The following SUSD3 variants were observed in gnomAD, a reference collection of about 807,000 sequenced individuals.
The protein encoded by SUSD3 is sushi domain-containing protein 3.
Under a neutral mutation model 20.6 loss-of-function variants are expected in SUSD3, and 18 were observed. The observed-to-expected ratio is 0.87, with a 90% confidence interval of 0.60 to 1.30. The LOEUF is 1.30. Ranked by LOEUF, SUSD3 falls within the 50% of genes most tolerant of loss-of-function variation. The pLI, the probability that SUSD3 is intolerant of heterozygous loss-of-function variation, is 0.00. For missense variants in SUSD3, 306 were observed against 346.9 expected, an observed-to-expected ratio of 0.88 and a Z score of 0.94; for synonymous variants, 137 against 141.5, an observed-to-expected ratio of 0.97 and a Z score of 0.23.
At chr9:93,082,300 G>T (rs1826444566) in intron 4 of SUSD3, among the ~76,000 whole-genome samples, 1 of 147,190 alleles carries the variant, frequency 6.8e-6, no homozygotes, top group Non-Finnish European at 1.5e-5. Context: ...ACATTTTTTA[G>T]GCCTCTTTCC....
intron 1 of SUSD3, among the ~76,000 whole-genome samples, chr9:93,068,324 T>C (rs1825791453): frequency 6.6e-6 from 1 of 152,234 alleles, no homozygotes; most frequent in Non-Finnish European, 1.5e-5. Context: ...GTTTCATAGT[T>C]TTAGCTCTTA....
intron 1 of SUSD3, among the ~76,000 whole-genome samples, chr9:93,062,276 G>A (rs911594544): frequency 6.6e-6 from 1 of 152,248 alleles, no homozygotes; most frequent in Non-Finnish European, 1.5e-5. Context: ...TGAGCCGTGG[G>A]AGGGCCAGGC....
At chr9:93,065,103 G>A (rs183744425) in intron 1 of SUSD3, among the ~76,000 whole-genome samples, 64 of 152,290 alleles carry the variant, frequency 4.2e-4, no homozygotes, top group African/African-American at 1.4e-3. Context: ...GACCCTGGTG[G>A]GTGGGAAGGG....
intron 3 of SUSD3, 116 bp downstream of exon 3, chr9:93,078,109 CCTACCACTGCTGCT>C: frequency 1.4e-6 from 2 of 1,383,298 alleles, no homozygotes; most frequent in Non-Finnish European, 2.0e-6. Flanking sequence ...GGCACCCGTT[CCTACCACTGCTGCT>C]CTGGGCCTGC....
chr9:93,068,740 G>A (rs1458274833), intron 1 of SUSD3, among the ~76,000 whole-genome samples: 1 of 152,200 alleles, frequency 6.6e-6, no homozygotes, highest in African/African-American at 2.4e-5. Context: ...TGTTGAATCT[G>A]TATATCAGTT....
chr9:93,083,090 A>T (rs1423019587), intron 4 of SUSD3, among the ~76,000 whole-genome samples: 1 of 152,118 alleles, frequency 6.6e-6, no homozygotes, highest in Non-Finnish European at 1.5e-5. Flanking sequence ...CCAGGGCGGG[A>T]GGGAGGCACC....
At chr9:93,080,692 G>A (rs60519304) in intron 4 of SUSD3, among the ~76,000 whole-genome samples, 5,451 of 152,312 alleles carry the variant, frequency 0.036, 297 homozygotes, top group African/African-American at 0.12. Flanking sequence ...GCCTGAGGAA[G>A]GGGCTCTGCA....
At chr9:93,073,921 G>A (rs147118367) in intron 1 of SUSD3, among the ~76,000 whole-genome samples, 36 of 152,284 alleles carry the variant, frequency 2.4e-4, no homozygotes, top group African/African-American at 6.7e-4. Context: ...CATAAGAGCC[G>A]TGTGACTGCA....
At chr9:93,074,453 A>AAC (rs1826043802) in intron 1 of SUSD3, among the ~76,000 whole-genome samples, 1 of 147,092 alleles carries the variant, frequency 6.8e-6, no homozygotes, top group African/African-American at 2.5e-5. Flanking sequence ...AAAAAAAAAA[A>AAC]AAAAAGAACA....
intron 1 of SUSD3, among the ~76,000 whole-genome samples, chr9:93,061,081 C>T (rs1825487312): frequency 6.6e-6 from 1 of 152,172 alleles, no homozygotes; most frequent in African/African-American, 2.4e-5. Context: ...GTATGACTGG[C>T]CCCTGGCCCT....
chr9:93,065,261 C>G (rs766110389), intron 1 of SUSD3, among the ~76,000 whole-genome samples: 4 of 152,216 alleles, frequency 2.6e-5, no homozygotes, highest in African/African-American at 9.7e-5. Context: ...TTTCGCTGTG[C>G]CTGCTTTCTC....
chr9:93,084,665 T>C lies in SUSD3; in HGVS notation c.686T>C (p.Met229Thr). 5 of 1,607,918 alleles carry C rather than the reference T, an allele frequency of 3.1e-6. No individual in the cohort carries two copies. The highest frequency in any genetic ancestry group is 4.2e-6 in the Non-Finnish European group (5 of 1,177,174). ...SSPQAQVMVH[M>T]ANPRQPLPAS... ...CCCCAAGCCCAGGTGATGGTGCACATGGCAAACCCCAGACAGCCCCTGCCT... is the reference window on the plus strand; with the variant it reads ...CCCCAAGCCCAGGTGATGGTGCACACGGCAAACCCCAGACAGCCCCTGCCT... Residue 229 changes from methionine (M) to threonine (T), a missense_variant, in exon 5 of 5, where the codon ATG (methionine) becomes ACG (threonine). Transcript: ENST00000375472.
chr9:93,082,979 G>A (rs9695137), intron 4 of SUSD3, among the ~76,000 whole-genome samples: 32,875 of 152,004 alleles, frequency 0.22, 4,239 homozygotes, highest in African/African-American at 0.36. Flanking sequence ...CTTACACTGC[G>A]GGAACTTGTG....
chr9:93,073,876 G>C (rs1186539448), intron 1 of SUSD3, among the ~76,000 whole-genome samples: 1 of 152,242 alleles, frequency 6.6e-6, no homozygotes, highest in South Asian at 2.1e-4. Flanking sequence ...AGTTAGACCA[G>C]AGCCTCCTTG....
At chr9:93,059,127 C>T (rs1483059682) in intron 1 of SUSD3, among the ~76,000 whole-genome samples, 1 of 152,168 alleles carries the variant, frequency 6.6e-6, no homozygotes, top group African/African-American at 2.4e-5. Context: ...CCGGCCAAGC[C>T]TCTCCACGCC....
rs902966188 is a variant in SUSD3, at chr9:93,064,204, C to T, written c.88+5374C>T. On this transcript the variant is annotated intron_variant, in intron 1 of 4. Transcript: ENST00000375472. ...CTGGGACTACAGGTGCACACCGCCA[C>T]GCCTAGCTACTTTTTGTATTTTTAA... 2.0e-5 allele frequency among the ~76,000 whole-genome samples: 3 copies of T among 152,200 alleles called. No homozygotes were observed. The South Asian group carries it at 6.2e-4, about 31-fold the overall frequency.
chr9:93,067,789 AG>A (rs1825773441), intron 1 of SUSD3, among the ~76,000 whole-genome samples: 1 of 151,924 alleles, frequency 6.6e-6, no homozygotes, highest in Non-Finnish European at 1.5e-5. Flanking sequence ...GTCGAGACAG[AG>A]TTTCACCCTG....
chr9:93,076,027 C>T lies in SUSD3; in HGVS notation c.277+55C>T, dbSNP rs1404727957. The stretch of plus-strand genomic sequence containing the variant: ...CTGGGGGTGGGGGATGGCCCCAAAT[C>T]CTGTCATGGGGATGGTGTGGGTGGG... On this transcript the variant is annotated intron_variant, in intron 2 of 4. Transcript: ENST00000375472. 5 of 1,481,150 alleles carry T rather than the reference C, an allele frequency of 3.4e-6. No homozygotes were observed. In the East Asian group the frequency reaches 1.1e-4, roughly 34 times the overall value. 91.8% of individuals were successfully genotyped at this position (1,481,150 alleles called of 1,614,324 possible). A position where few individuals can be genotyped will look rare whatever the true frequency, so the allele number is the denominator to read the frequency against.
At chr9:93,067,950 T>C (rs1276365609) in intron 1 of SUSD3, among the ~76,000 whole-genome samples, 1 of 152,264 alleles carries the variant, frequency 6.6e-6, no homozygotes, top group Non-Finnish European at 1.5e-5. Flanking sequence ...TTTTGATTTG[T>C]ATTTCCCTGA....
Sources: allele counts gnomAD v4.1 joint callset (sites outside exome capture counted in the v4.1 genomes callset), GRCh38; gene constraint gnomAD v4.1.1; transcripts MANE v1.5; gene names NCBI Gene and HGNC (gene_info 2026-07-23, HGNC 2026-07-21).